INTS1: variants seen among roughly 807,000 people sequenced by gnomAD.
INTS1 encodes integrator complex subunit 1.
In INTS1, 137 loss-of-function variants were observed where a neutral mutation model predicts 241.6. That is an observed-to-expected ratio of 0.57 (90% CI 0.49 to 0.65). The LOEUF is 0.65. Ranked by LOEUF, INTS1 falls within the 30% of genes least tolerant of loss-of-function variation. The probability of loss-of-function intolerance (pLI) is 0.00; values close to 1 mark genes in which losing one functional copy is unlikely to be tolerated. For synonymous variants in INTS1, 1,692 were observed against 1,337.8 expected (o/e 1.26, Z -5.78); for missense variants, 3,073 against 3,032.2 (o/e 1.01, Z -0.32).
chr7:1,474,427 G>A, intron 40 of INTS1, 67 bp from the exon 41 acceptor site: 3 of 1,466,630 alleles, frequency 2.0e-6, no homozygotes, highest in East Asian at 2.4e-5. Context: ...TCCCCAGGAA[G>A]GCCCCACTGC....
At chr7:1,477,070 G>A (rs760714676) in intron 35 of INTS1, among the ~76,000 whole-genome samples, 152 bp from the exon 36 acceptor site, 2 of 152,170 alleles carry the variant, frequency 1.3e-5, no homozygotes, top group Admixed American at 6.5e-5. Context: ...CTGGAGGGCC[G>A]CTCCTGGTGG....
rs1237548034 is a variant in INTS1, at chr7:1,495,548, C to T, written c.1717G>A (p.Glu573Lys). Residue 573 changes from glutamate (E) to lysine (K), a missense_variant, in exon 13 of 48, where the codon GAA becomes AAA. Physicochemically the swap from Glu to Lys is moderately conservative, Grantham distance 56 (BLOSUM62 1). Coordinates refer to ENST00000404767, the MANE Select transcript of INTS1 (RefSeq NM_001080453.3). Reference protein sequence around the residue: ...AWDKGEKRNLEVLRSFQNQIA... With the variant: ...AWDKGEKRNLKVLRSFQNQIA... ...TGGTTCTGGAATGAGCGGAGCACTTCCAGGTCTGAAACAGACACGCAGCTT... is the reference window on the plus strand; with the variant it reads ...TGGTTCTGGAATGAGCGGAGCACTTTCAGGTCTGAAACAGACACGCAGCTT... The T allele has an allele frequency of 6.2e-7, 1 of 1,609,740 alleles. No individual in the cohort carries two copies.
In INTS1 at chr7:1,485,275, G is replaced by C; in HGVS notation, c.3156+15C>G. 4 of 1,601,508 alleles carry C rather than the reference G, an allele frequency of 2.5e-6. No homozygotes were observed. Among genetic ancestry groups the C allele is most frequent in the Non-Finnish European group, 3.4e-6 (4 of 1,176,058 alleles). On this transcript the variant is annotated intron_variant, in intron 23 of 47. Coordinates refer to ENST00000404767, the MANE Select transcript of INTS1 (RefSeq NM_001080453.3). ...TCTCATCTTTCCCTGCCGCGGCCCC[G>C]GTCAGCGCCCTCACCTGCTGCAGGG...
rs954708868 is a variant in INTS1 at position 1,474,158 on chromosome 7, G to A, written c.5829+10C>T. 1 of 1,553,110 alleles carries A rather than the reference G, an allele frequency of 6.4e-7. No homozygotes were observed. The highest frequency in any genetic ancestry group is 8.7e-7 in the Non-Finnish European group (1 of 1,152,328). The stretch of plus-strand genomic sequence containing the variant: ...AAGGGAGCGCGAGGGCGGGCGGCGG[G>A]AGCACACACCAGCAGCAGGCGGATG... On this transcript the variant is annotated intron_variant, in intron 41 of 47. Transcript: ENST00000404767.
Position 1,483,829 on chromosome 7 carries a change from G to C in INTS1, c.3454C>G (p.Leu1152Val). ...SWSESQDQVF[L>V]RWSSGETATM... ...GCTGTCTCCCCGCTGCTCCAGCGTA[G>C]GAAGACCTGGTCCTGAGACTCCGAC... Residue 1152 changes from leucine (L) to valine (V), a missense_variant, in exon 26 of 48, where the codon CTA becomes GTA. Coordinates refer to ENST00000404767, the MANE Select transcript of INTS1 (RefSeq NM_001080453.3). The C allele has an allele frequency of 6.2e-7, 1 of 1,612,200 alleles. No homozygotes were observed. Among genetic ancestry groups the C allele is most frequent in the Non-Finnish European group, 8.5e-7 (1 of 1,179,278 alleles).
rs1781736592 is a variant in INTS1 at position 1,476,623 on chromosome 7, C to T, written c.5098G>A (p.Ala1700Thr). Residue 1700 changes from alanine to threonine, a missense_variant, in exon 37 of 48, where the codon GCC becomes ACC. Coordinates refer to ENST00000404767, the MANE Select transcript of INTS1 (RefSeq NM_001080453.3). ...DPSASLDFLWACIHVPRIWQG... is the reference protein window; with the variant it reads ...DPSASLDFLWTCIHVPRIWQG... ...CAGATGCGAGGAACATGGATGCAGG[C>T]CCAGAGGAAGTCCAGAGAGGCAGAG... The T allele has an allele frequency of 6.2e-7, 1 of 1,612,592 alleles. No individual in the cohort carries two copies. Among genetic ancestry groups the T allele is most frequent in the Non-Finnish European group, 8.5e-7 (1 of 1,179,874 alleles).
At chr7:1,479,214 A>AC (rs577208345) in intron 31 of INTS1, among the ~76,000 whole-genome samples, 130 of 152,346 alleles carry the variant, frequency 8.5e-4, no homozygotes, top group African/African-American at 3.0e-3. Flanking sequence ...TGGGTGGTGC[A>AC]AACAGGCGGA....
chr7:1,480,686 T>C, intron 29 of INTS1, 149 bp downstream of exon 29: 1 of 741,942 alleles, frequency 1.3e-6, no homozygotes, highest in Non-Finnish European at 2.2e-6. Context: ...TGAGAGTTTC[T>C]GTGGGGGCCC....
chr7:1,482,455 A>G, intron 27 of INTS1, 91 bp downstream of exon 27: 1 of 1,334,028 alleles, frequency 7.5e-7, no homozygotes, highest in Non-Finnish European at 1.0e-6. Context: ...CCTCTGCCAC[A>G]GCCGGAGGCT....
At chr7:1,498,941 C>A in intron 8 of INTS1, 34 bp downstream of exon 8, 2 of 1,344,086 alleles carry the variant, frequency 1.5e-6, no homozygotes, top group Non-Finnish European at 2.0e-6. Context: ...CCCCCACCCC[C>A]TGCCCCGCCC....
chr7:1,486,595 G>C (rs758957615), intron 22 of INTS1, 30 bp downstream of exon 22: 1 of 1,603,378 alleles, frequency 6.2e-7, no homozygotes, highest in Non-Finnish European at 8.5e-7. Context: ...CATGAAGAGC[G>C]TGCGCAGAAA....
At position 1,481,761 on chromosome 7, in the gene INTS1, G is replaced by A. The variant is rs1239098214; in HGVS notation, c.3704-273C>T. On this transcript the variant is annotated intron_variant, in intron 27 of 47. Coordinates refer to ENST00000404767, the MANE Select transcript of INTS1 (RefSeq NM_001080453.3). The surrounding 1 kb of genome is among the most constrained non-coding windows in gnomAD (Gnocchi z 6.8). ...CCGAGACCTGGGGCAGTGCACACTC[G>A]GCAGCCCCACCTGAGACCCTGGGCC... 4.1e-5 allele frequency among the ~76,000 whole-genome samples: 6 copies of A among 146,612 alleles called. No homozygotes were observed. The highest frequency in any genetic ancestry group is 1.5e-4 in the African/African-American group (6 of 39,546).
intron 32 of INTS1, 30 bp downstream of exon 32, chr7:1,478,696 A>G: frequency 6.6e-7 from 1 of 1,525,032 alleles, no homozygotes; most frequent in Non-Finnish European, 8.8e-7. Context: ...AGTGCCCCCC[A>G]GCCGTCTGCC....
At chr7:1,479,751 T>G (rs778826334) in intron 30 of INTS1, 67 bp from the exon 31 acceptor site, 20 of 1,415,030 alleles carry the variant, frequency 1.4e-5, no homozygotes, top group Non-Finnish European at 1.8e-5. Context: ...GCGGAGAGGC[T>G]AAGCGCCCGG....
In INTS1 at chr7:1,497,336, T is replaced by TG. The variant is rs1316067600; in HGVS notation, c.1426-23dup. On this transcript the variant is annotated intron_variant, in intron 10 of 47. Coordinates refer to ENST00000404767, the MANE Select transcript of INTS1 (RefSeq NM_001080453.3). This position sits in a 1 kb window ranked among gnomAD's most constrained non-coding sequence, Gnocchi z 5.3. The stretch of plus-strand genomic sequence containing the variant: ...GGAACTGGGGCAGAGAGAGGCCGCG[T>TG]GGGAGGCTGCCCGACAGTGCTGTCC... The TG allele has an allele frequency of 1.2e-6, 2 of 1,604,490 alleles. No homozygotes were observed. The highest frequency in any genetic ancestry group is 2.7e-5 in the African/African-American group (2 of 74,742).
rs113988717 is a variant in INTS1, at chr7:1,488,813, C to T, written c.2318+531G>A. Among the ~76,000 whole-genome samples, 39 of 152,354 alleles carry T rather than the reference C, an allele frequency of 2.6e-4. 1 individual carries two copies. The highest frequency in any genetic ancestry group is 8.9e-4 in the African/African-American group (37 of 41,596). On this transcript the variant is annotated intron_variant, in intron 18 of 47. Coordinates refer to ENST00000404767, the MANE Select transcript of INTS1 (RefSeq NM_001080453.3). ...GTGTGGGCACCAATGCTGCCAGGCA[C>T]AGCTGGTGGTGAGCCCTGGGCGTCT...
Position 1,493,036 on chromosome 7 carries a change from G to A in INTS1, c.2139C>T (p.His713=). 6.2e-7 allele frequency: 1 copy of A among 1,613,532 alleles called. No homozygotes were observed. The highest frequency in any genetic ancestry group is 1.1e-5 in the South Asian group (1 of 91,074). ...CCGGTGGGAGCTGGATGTTTTCAGG[G>A]TGATGGTAGGTGCACAGATTCAGAA... is the stretch of plus-strand genomic sequence containing the variant. ...DAVLNLCTYH[H]PENIQLPPGY... The change falls in exon 16 of 48, where the codon CAC becomes CAT. Residue 713 remains histidine (H), a synonymous_variant. Coordinates refer to ENST00000404767, the MANE Select transcript of INTS1 (RefSeq NM_001080453.3). This position sits in a 1 kb window ranked among gnomAD's most constrained non-coding sequence, Gnocchi z 5.3.
At chr7:1,488,488 C>G (rs1021144547) in intron 18 of INTS1, among the ~76,000 whole-genome samples, 3 of 152,110 alleles carry the variant, frequency 2.0e-5, no homozygotes, top group Non-Finnish European at 4.4e-5. Context: ...AGCTGTGCCT[C>G]CCACCTCAGG....
Position 1,485,338 on chromosome 7 carries a change from C to A in INTS1, c.3108G>T (p.Leu1036=), listed in dbSNP as rs1225489573. 6.2e-7 allele frequency: 1 copy of A among 1,611,792 alleles called. No homozygotes were observed. The highest frequency in any genetic ancestry group is 8.5e-7 in the Non-Finnish European group (1 of 1,179,768). The part of the protein sequence containing the change: ...YQWLLRDLPR[L]PLFDSVRSTT... ...TGCTCCTGACGCTGTCGAACAGAGGCAGGCGAGGCAGGTCCCGCAGCAGCC... is the reference window on the plus strand; with the variant it reads ...TGCTCCTGACGCTGTCGAACAGAGGAAGGCGAGGCAGGTCCCGCAGCAGCC... The change falls in exon 23 of 48, where the codon CTG becomes CTT. Residue 1036 remains leucine, a synonymous_variant. Coordinates refer to ENST00000404767, the MANE Select transcript of INTS1 (RefSeq NM_001080453.3).
Sources: gnomAD v4.1 joint callset for allele counts (sites outside exome capture counted in the v4.1 genomes callset) on GRCh38, gnomAD v4.1.1 for gene constraint, Gnocchi (gnomAD v3.1) non-coding constraint, MANE v1.5 for transcripts, NCBI Gene and HGNC (gene_info 2026-07-23, HGNC 2026-07-21) for gene names.